Variants in PLK4 observed in about 807,000 individuals in gnomAD.
The protein encoded by PLK4 is polo like kinase 4.
Under a neutral mutation model 103.0 loss-of-function variants are expected in PLK4, and 51 were observed. The ratio of observed to expected loss-of-function variants is 0.50; its 90% confidence interval spans 0.40 to 0.63. The LOEUF is 0.63. Among genes scored for constraint, PLK4 ranks in the 20% least tolerant of loss-of-function variants. The pLI, the probability that PLK4 is intolerant of heterozygous loss-of-function variation, is 0.00. For missense variants in PLK4, 1,054 were observed against 1,151.0 expected (o/e 0.92, Z 1.22); for synonymous variants, 389 against 376.8 (o/e 1.03, Z -0.38).
Position 127,886,246 on chromosome 4 carries a change from T to C in PLK4, c.876T>C (p.Thr292=). The change falls in exon 5 of 16, where the codon ACT becomes ACC. Residue 292 remains threonine, a synonymous_variant. Transcript: ENST00000270861. The stretch of plus-strand genomic sequence containing the variant: ...ATAGTGGGCATGCCACAATTTCTAC[T>C]GCAATTACAGCTTCTTCCAGTACCA... ...SIDSGHATIS[T]AITASSSTSI... The C allele has an allele frequency of 6.2e-7, 1 of 1,614,114 alleles. No individual in the cohort carries two copies. Among genetic ancestry groups the C allele is most frequent in the South Asian group, 1.1e-5 (1 of 91,072 alleles).
At position 127,886,748 on chromosome 4, in the gene PLK4, A is replaced by T. The variant is rs777061496; in HGVS notation, c.1358+20A>T. The T allele has an allele frequency of 1.3e-6, 2 of 1,525,550 alleles. No individual in the cohort carries two copies. Among genetic ancestry groups the T allele is most frequent in the Non-Finnish European group, 1.8e-6 (2 of 1,129,476 alleles). The allele number at this position is 1,525,550 out of a possible 1,614,324, so 94.5% of individuals were successfully genotyped here. On this transcript the variant is annotated intron_variant, in intron 5 of 15. Transcript: ENST00000270861. ...AGCACTGTAAGAATAATTCTATCAG[A>T]GGCATTTTGTTTTTTGGTAACATTA...
chr4:127,881,266 G>A (rs1287584949), intron 1 of PLK4, 102 bp downstream of exon 1: 1 of 1,585,658 alleles, frequency 6.3e-7, no homozygotes, highest in East Asian at 2.3e-5. Flanking sequence ...CGGCTGCGGG[G>A]CGGGCACCGA....
Position 127,893,276 on chromosome 4 carries a change from T to C in PLK4, c.2189-9T>C, listed in dbSNP as rs747066688. 6.6e-7 allele frequency: 1 copy of C among 1,525,356 alleles called. No homozygotes were observed. Among genetic ancestry groups the C allele is most frequent in the Non-Finnish European group, 8.9e-7 (1 of 1,126,706 alleles). The allele number at this position is 1,525,356 out of a possible 1,614,324, so 94.5% of individuals were successfully genotyped here. ...ATAAGAGAACAGTTTTCTGATTTTT[T>C]TTTTTTAGGGGTAAAAATACACAAA... On this transcript the variant is annotated splice_polypyrimidine_tract_variant and intron_variant, in intron 10 of 15. Coordinates refer to ENST00000270861, the MANE Select transcript of PLK4 (RefSeq NM_014264.5).
rs1349995545 is a variant in PLK4, at chr4:127,880,977, A to AG, written c.-155dup. 1.3e-6 allele frequency: 1 copy of AG among 751,706 alleles called. No individual in the cohort carries two copies. Among genetic ancestry groups the AG allele is most frequent in the African/African-American group, 1.8e-5 (1 of 57,086 alleles). The allele number at this position is 751,706 out of a possible 1,614,324, so 46.6% of individuals were successfully genotyped here. A position where few individuals can be genotyped will look rare whatever the true frequency, so the allele number is the denominator to read the frequency against. On this transcript the variant is annotated 5_prime_UTR_variant, in exon 1 of 16. It removes the in-frame stop codon of an upstream open reading frame in the 5' UTR. Coordinates refer to ENST00000270861, the MANE Select transcript of PLK4 (RefSeq NM_014264.5). ...CACCGCCCAGGCCTCGGAAGGTGTC[A>AG]GGGAGAACTTTCCGTGGTTTCAGCG...
chr4:127,886,941 C>T (rs1210452328), intron 5 of PLK4, among the ~76,000 whole-genome samples: 1 of 151,928 alleles, frequency 6.6e-6, no homozygotes, highest in Non-Finnish European at 1.5e-5. Context: ...AAATTTTTAG[C>T]CTCATTTTTT....
chr4:127,882,056 A>G (rs971397991), intron 2 of PLK4, 130 bp downstream of exon 2: 1 of 596,616 alleles, frequency 1.7e-6, no homozygotes, highest in Non-Finnish European at 3.0e-6. Context: ...ACATAGGCAG[A>G]AGACAATAGT....
chr4:127,893,719 A>C lies in PLK4; in HGVS notation c.2415-15A>C. On this transcript the variant is annotated splice_polypyrimidine_tract_variant and intron_variant, in intron 12 of 15. Coordinates refer to ENST00000270861, the MANE Select transcript of PLK4 (RefSeq NM_014264.5). ...GAAAGCTTCAAGGGAATATATTTGG[A>C]CTTTTCCCCTTCAGAAAACCTGGTA... The C allele has an allele frequency of 1.9e-6, 3 of 1,603,738 alleles. No individual in the cohort carries two copies. Among genetic ancestry groups the C allele is most frequent in the Non-Finnish European group, 2.6e-6 (3 of 1,173,550 alleles).
intron 10 of PLK4, chr4:127,892,741 C>A: frequency 2.8e-6 from 1 of 353,660 alleles, no homozygotes; most frequent in Admixed American, 4.6e-5. Flanking sequence ...TCCTCTTTTT[C>A]TACTTAGCTC....
chr4:127,898,393 A>T, intron 15 of PLK4, 46 bp from the exon 16 acceptor site: 1 of 883,642 alleles, frequency 1.1e-6, no homozygotes. Context: ...ATGAGAACCA[A>T]GTAATTCAGT....
At chr4:127,896,683 T>C in intron 14 of PLK4, 118 bp from the exon 15 acceptor site, 2 of 504,972 alleles carry the variant, frequency 4.0e-6, no homozygotes, top group Non-Finnish European at 7.0e-6. Context: ...ACCTGTTAAA[T>C]ATGTTAAATA....
chr4:127,892,226 A>G (rs987068885), intron 9 of PLK4, 139 bp from the exon 10 acceptor site: 14 of 566,406 alleles, frequency 2.5e-5, no homozygotes, highest in African/African-American at 2.0e-4. Flanking sequence ...ACTGAATAGT[A>G]AGCCTTCATT....
Position 127,881,032 on chromosome 4 carries a change from C to G in PLK4, c.-103C>G. On this transcript the variant is annotated 5_prime_UTR_variant, in exon 1 of 16. Transcript: ENST00000270861. ...CGCCTGGAGCGGCGGTTTAGAGAGC[C>G]GAGCCTGATGGGCGCCAAGGCCGGC... 7.4e-7 allele frequency: 1 copy of G among 1,358,262 alleles called. No individual in the cohort carries two copies. Among genetic ancestry groups the G allele is most frequent in the South Asian group, 1.2e-5 (1 of 84,482 alleles). 84.1% of individuals were successfully genotyped at this position (1,358,262 alleles called of 1,614,324 possible).
chr4:127,895,160 C>A, intron 14 of PLK4, 67 bp downstream of exon 14: 3 of 1,057,236 alleles, frequency 2.8e-6, no homozygotes, highest in Non-Finnish European at 2.6e-6. Flanking sequence ...ACTGATAAGA[C>A]AATTACCAAA....
rs55920018 is a variant in PLK4, at chr4:127,898,506, T to C, written c.2878T>C (p.Leu960=). Residue 960 remains leucine (L), a synonymous_variant, in exon 16 of 16, where the codon TTG becomes CTG. Coordinates refer to ENST00000270861, the MANE Select transcript of PLK4 (RefSeq NM_014264.5). ...ATTACAGTGTCTGTCTTCCATCCTT[T>C]TGATGTTTTCTAATCCGACTCCTAA... ...QKLQCLSSIL[L]MFSNPTPNFH is the part of the protein sequence containing the mutation. 13 of 1,582,070 alleles carry C rather than the reference T, an allele frequency of 8.2e-6. No individual in the cohort carries two copies. The highest frequency in any genetic ancestry group is 1.0e-5 in the Non-Finnish European group (12 of 1,153,774).
At chr4:127,887,168 A>G (rs538129950) in intron 5 of PLK4, among the ~76,000 whole-genome samples, 166 of 152,180 alleles carry the variant, frequency 1.1e-3, no homozygotes, top group African/African-American at 3.9e-3. Flanking sequence ...TGCTTAAATT[A>G]TAAGAGGGCA....
chr4:127,887,549 A>G, intron 6 of PLK4, 53 bp downstream of exon 6: 1 of 1,019,950 alleles, frequency 9.8e-7, no homozygotes. Context: ...GAAACTTACC[A>G]AGCATTGCAG....
At position 127,890,033 on chromosome 4, in the gene PLK4, A is replaced by G. The variant is rs374263658; in HGVS notation, c.1627A>G (p.Met543Val). 1.2e-5 allele frequency: 20 copies of G among 1,613,822 alleles called. No individual in the cohort carries two copies. Among genetic ancestry groups the G allele is most frequent in the Middle Eastern group, 1.6e-4 (1 of 6,084 alleles). ...ACATTCTGTAAAACAGCAAAATACC[A>G]TGAAATATATGACTGCACTTCACAG... is the stretch of plus-strand genomic sequence containing the variant. The part of the protein sequence containing the change: ...NAHSVKQQNT[M>V]KYMTALHSKP... Residue 543 changes from methionine to valine, a missense_variant, in exon 7 of 16, where the codon ATG becomes GTG. Physicochemically the swap from Met to Val is conservative, Grantham distance 21. Transcript: ENST00000270861.
chr4:127,882,299 A>G (rs1734961238), intron 2 of PLK4, among the ~76,000 whole-genome samples: 2 of 152,238 alleles, frequency 1.3e-5, no homozygotes, highest in African/African-American at 2.4e-5. Flanking sequence ...TCAGCCTAAT[A>G]GGAGTAACAT....
chr4:127,889,060 C>A (rs1479246641), intron 6 of PLK4, among the ~76,000 whole-genome samples: 7 of 151,902 alleles, frequency 4.6e-5, no homozygotes, highest in Admixed American at 4.6e-4. Flanking sequence ...GAGAAATAAC[C>A]TTGTTTATAA....
Sources: allele counts gnomAD v4.1 joint callset (sites outside exome capture counted in the v4.1 genomes callset), GRCh38; gene constraint gnomAD v4.1.1; transcripts MANE v1.5; gene names NCBI Gene and HGNC (gene_info 2026-07-23, HGNC 2026-07-21).